SGCD: variants seen among roughly 807,000 people sequenced by gnomAD.
SGCD encodes sarcoglycan delta.
Under a neutral mutation model 36.6 loss-of-function variants are expected in SGCD, and 18 were observed. That is an observed-to-expected ratio of 0.49 (90% CI 0.34 to 0.73). The LOEUF is 0.73. SGCD is among the 30% of genes least tolerant of loss of function. SGCD has a pLI of 0.01. For synonymous variants in SGCD, 133 were observed against 130.6 expected (o/e 1.02, Z -0.12); for missense variants, 387 against 346.7 (o/e 1.12, Z -0.92).
At chr5:156,209,056 A>G (rs1448376480) in intron 3 of SGCD, among the ~76,000 whole-genome samples, 1 of 152,162 alleles carries the variant, frequency 6.6e-6, no homozygotes, top group African/African-American at 2.4e-5. Context: ...ACATTGCCTC[A>G]GACTCTAACA....
rs1006806508 is a variant in SGCD at position 156,763,541 on chromosome 5, C to T, written c.*4151C>T. 3.9e-5 allele frequency: 6 copies of T among 152,226 alleles called. No homozygotes were observed. Among genetic ancestry groups the T allele is most frequent in the Non-Finnish European group, 7.4e-5 (5 of 68,022 alleles). 9.4% of individuals were successfully genotyped at this position (152,226 alleles called of 1,614,324 possible). A position where few individuals can be genotyped will look rare whatever the true frequency, so the allele number is the denominator to read the frequency against. ...TGGCTTTATTTCTAAGAATCTGGGT[C>T]TTCATTCTCTGGTGTAGAAGGAATG... On this transcript the variant is annotated 3_prime_UTR_variant, in exon 9 of 9. Coordinates refer to ENST00000337851, the MANE Select transcript of SGCD (RefSeq NM_000337.6).
rs973216938 is a variant in SGCD at position 156,470,286 on chromosome 5, A to G, written c.193-38315A>G. ...GATATTAAAATAGAAGAATTATTCC[A>G]TATGCTATTTGTCTAAATATGAATG... On this transcript the variant is annotated intron_variant, in intron 3 of 8. Transcript: ENST00000337851. 2.6e-5 allele frequency among the ~76,000 whole-genome samples: 4 copies of G among 152,294 alleles called. No individual in the cohort carries two copies. The South Asian group carries it at 8.3e-4, about 32-fold the overall frequency.
chr5:156,645,868 T>C (rs1763205005), intron 6 of SGCD, among the ~76,000 whole-genome samples: 1 of 152,180 alleles, frequency 6.6e-6, no homozygotes, highest in South Asian at 2.1e-4. Context: ...TCATGGAAGA[T>C]CTGGATAAGA....
At chr5:156,635,911 G>T (rs1298376474) in intron 6 of SGCD, among the ~76,000 whole-genome samples, 1 of 151,944 alleles carries the variant, frequency 6.6e-6, no homozygotes, top group Non-Finnish European at 1.5e-5. Flanking sequence ...GGGAGGGATA[G>T]CATTAGGAGG....
At chr5:155,970,694 A>G (rs536535572) in intron 1 of SGCD, among the ~76,000 whole-genome samples, 2 of 152,266 alleles carry the variant, frequency 1.3e-5, no homozygotes, top group African/African-American at 4.8e-5. Flanking sequence ...TATGTCATAG[A>G]TTTTACATAT....
rs1757489185 is a variant in SGCD, at chr5:156,760,955, G to C, written c.*1565G>C. 6.6e-6 allele frequency: 1 copy of C among 152,312 alleles called. No individual in the cohort carries two copies. Among genetic ancestry groups the C allele is most frequent in the African/African-American group, 2.4e-5 (1 of 41,440 alleles). The allele number at this position is 152,312 out of a possible 1,614,324, so 9.4% of individuals were successfully genotyped here. ...TGGCAGATGATGTGGATTTCAAAGA[G>C]CCCAGAATGAACTCATCACTGGCTT... On this transcript the variant is annotated 3_prime_UTR_variant, in exon 9 of 9. Transcript: ENST00000337851.
At chr5:155,728,293 G>T in the SGCD span, among the ~76,000 whole-genome samples, 6 of 152,130 alleles carry the variant, frequency 3.9e-5, no homozygotes, top group African/African-American at 7.2e-5. Flanking sequence ...CGCTGCTGCC[G>T]CTGCCGGAGC....
chr5:156,758,690 G>T (rs768162369), intron 8 of SGCD, among the ~76,000 whole-genome samples: 1 of 151,784 alleles, frequency 6.6e-6, no homozygotes, highest in Non-Finnish European at 1.5e-5. Context: ...AAATCTAATG[G>T]CAGCTTCCAC....
At chr5:155,780,795 A>C in the SGCD span, among the ~76,000 whole-genome samples, 1 of 152,166 alleles carries the variant, frequency 6.6e-6, no homozygotes, top group Non-Finnish European at 1.5e-5. Context: ...GAATAAAGAA[A>C]ATTTTTTGAC....
chr5:156,226,300 A>T (rs1250209276), intron 3 of SGCD, among the ~76,000 whole-genome samples: 2 of 152,082 alleles, frequency 1.3e-5, no homozygotes, highest in Non-Finnish European at 2.9e-5. Context: ...GCTCTCACTT[A>T]TGAGTGAGAA....
the SGCD span, among the ~76,000 whole-genome samples, chr5:155,855,620 A>AT: frequency 6.6e-6 from 1 of 152,276 alleles, no homozygotes; most frequent in Admixed American, 6.5e-5. Flanking sequence ...AAAATTTTAT[A>AT]TTTTTATAGA....
At chr5:156,678,015 T>C (rs1441883803) in intron 7 of SGCD, among the ~76,000 whole-genome samples, 1 of 152,222 alleles carries the variant, frequency 6.6e-6, no homozygotes, top group African/African-American at 2.4e-5. Context: ...TTCCCAATGT[T>C]TGTTTCATTT....
intron 6 of SGCD, among the ~76,000 whole-genome samples, chr5:156,635,125 G>A (rs76283909): frequency 0.017 from 2,663 of 152,210 alleles, 32 homozygotes; most frequent in Non-Finnish European, 0.029. Context: ...TCAAGAGGCT[G>A]AGGTGGGAGG....
chr5:156,003,994 A>G (rs1758711372), intron 1 of SGCD, among the ~76,000 whole-genome samples: 1 of 152,262 alleles, frequency 6.6e-6, no homozygotes, highest in Non-Finnish European at 1.5e-5. Flanking sequence ...GAAAGCAAAT[A>G]GCCTATCTTA....
At chr5:156,182,982 T>C (rs1053853300) in intron 3 of SGCD, among the ~76,000 whole-genome samples, 7 of 152,200 alleles carry the variant, frequency 4.6e-5, no homozygotes, top group African/African-American at 7.2e-5. Flanking sequence ...ATGTGGCCTT[T>C]AAAGTAATTA....
intron 3 of SGCD, among the ~76,000 whole-genome samples, chr5:156,320,263 A>G (rs1767623657): frequency 6.6e-6 from 1 of 152,150 alleles, no homozygotes; most frequent in African/African-American, 2.4e-5. Flanking sequence ...ACCACTGAGC[A>G]CTGATATGAT....
intron 4 of SGCD, among the ~76,000 whole-genome samples, chr5:156,511,783 C>G (rs1033276006): frequency 6.6e-6 from 1 of 152,172 alleles, no homozygotes; most frequent in African/African-American, 2.4e-5. Flanking sequence ...TTCCTCAGAC[C>G]TCTTGCTGTA....
intron 3 of SGCD, among the ~76,000 whole-genome samples, chr5:156,455,627 C>T (rs1486474239): frequency 1.3e-5 from 2 of 152,094 alleles, no homozygotes; most frequent in Non-Finnish European, 2.9e-5. Context: ...TGGAGCCTTG[C>T]ATAGAGGAAG....
At chr5:156,520,728 G>A (rs1757364087) in intron 4 of SGCD, among the ~76,000 whole-genome samples, 2 of 151,968 alleles carry the variant, frequency 1.3e-5, no homozygotes, top group South Asian at 4.2e-4. Context: ...TTAGAAATAA[G>A]ACCACACAGC....
Sources: allele counts gnomAD v4.1 joint callset (sites outside exome capture counted in the v4.1 genomes callset), GRCh38; gene constraint gnomAD v4.1.1; transcripts MANE v1.5; gene names NCBI Gene and HGNC (gene_info 2026-07-23, HGNC 2026-07-21).